The following RYR2 variants were observed in gnomAD, a reference collection of about 807,000 sequenced individuals.
The protein encoded by RYR2 is cardiac muscle ryanodine receptor-calcium release channel.
Under a neutral mutation model 601.1 loss-of-function variants are expected in RYR2, and 227 were observed. The observed-to-expected ratio is 0.38, with a 90% CI of 0.34 to 0.42. RYR2 has a LOEUF of 0.42. RYR2 is among the 10% of genes least tolerant of loss of function. The pLI is 1.00. For synonymous variants in RYR2, 2,223 were observed against 2,175.1 expected, an observed-to-expected ratio of 1.02 and a Z score of -0.61; for missense variants, 4,646 against 6,156.5, an observed-to-expected ratio of 0.75 and a Z score of 8.21.
intron 52 of RYR2, 115 bp from the exon 53 acceptor site, chr1:237,655,706 C>A: frequency 1.2e-6 from 1 of 862,220 alleles, no homozygotes; most frequent in Non-Finnish European, 1.7e-6. Context: ...TCAGAGAGTT[C>A]AGTTAGTCCA....
In RYR2 at chr1:237,508,805, G is replaced by C. The variant is rs370096495; in HGVS notation, c.2718+1991G>C. On this transcript the variant is annotated intron_variant, in intron 23 of 104. Transcript: ENST00000366574. ...TCGCCCAGGCTGGAGTGCAGTGGCG[G>C]GATCTCGGCTCACTGCAAGCTCCGC... Among the ~76,000 whole-genome samples the C allele has an allele frequency of 9.5e-3, 1,354 of 143,040 alleles. 25 individuals are homozygous for C. Among genetic ancestry groups the C allele is most frequent in the African/African-American group, 0.03 (1,152 of 38,614 alleles). The allele number at this position is 143,040 out of a possible 152,430, so 93.8% of individuals were successfully genotyped here.
At chr1:237,526,151 A>G (rs1667571531) in intron 24 of RYR2, among the ~76,000 whole-genome samples, 1 of 152,134 alleles carries the variant, frequency 6.6e-6, no homozygotes, top group African/African-American at 2.4e-5. Flanking sequence ...TGTATAAGCT[A>G]CATCCTCACC....
chr1:237,827,893 T>C (rs1191838597), intron 101 of RYR2, among the ~76,000 whole-genome samples: 57 of 126,632 alleles, frequency 4.5e-4, no homozygotes, highest in African/African-American at 1.3e-3. Flanking sequence ...GCCGAGATTG[T>C]GCCACTGCAC....
In RYR2 at chr1:237,127,325, C is replaced by T. The variant is rs1261389716; in HGVS notation, c.48+84756C>T. On this transcript the variant is annotated intron_variant, in intron 1 of 104. Coordinates refer to ENST00000366574, the MANE Select transcript of RYR2 (RefSeq NM_001035.3). ...TACACCTCCCAGACAGGGTGGTGGC[C>T]GGGCAGAGGGGCTCCTCACTTCCCA... 1.9e-4 allele frequency among the ~76,000 whole-genome samples: 29 copies of T among 151,614 alleles called. No homozygotes were observed. In the South Asian group the frequency reaches 5.4e-3, roughly 28 times the overall value.
At chr1:237,266,101 A>G (rs569080553) in intron 1 of RYR2, among the ~76,000 whole-genome samples, 27 of 152,356 alleles carry the variant, frequency 1.8e-4, no homozygotes, top group African/African-American at 6.3e-4. Flanking sequence ...TGTGCATTTC[A>G]GCACTCAGAA....
intron 34 of RYR2, among the ~76,000 whole-genome samples, chr1:237,596,522 TAAG>T: frequency 6.6e-6 from 1 of 151,626 alleles, no homozygotes; most frequent in Middle Eastern, 3.4e-3. Context: ...GAAATAAAAA[TAAG>T]AAAGAAGGAA....
intron 63 of RYR2, among the ~76,000 whole-genome samples, chr1:237,696,656 G>A (rs1415705388): frequency 3.6e-5 from 3 of 83,250 alleles, no homozygotes; most frequent in South Asian, 4.3e-4. Flanking sequence ...CACCCCCGCC[G>A]CATCCCCTTC....
At chr1:237,150,012 A>G (rs1202158876) in intron 1 of RYR2, among the ~76,000 whole-genome samples, 1 of 152,250 alleles carries the variant, frequency 6.6e-6, no homozygotes, top group Non-Finnish European at 1.5e-5. Flanking sequence ...TTGTATTAGT[A>G]TTATAAAAGC....
chr1:237,482,526 A>G (rs2150369639), intron 17 of RYR2, among the ~76,000 whole-genome samples: 1 of 152,288 alleles, frequency 6.6e-6, no homozygotes, highest in African/African-American at 2.4e-5. Flanking sequence ...GTTGCAAATG[A>G]CTGGATCACA....
At chr1:237,443,191 A>C (rs1167122817) in intron 13 of RYR2, among the ~76,000 whole-genome samples, 1 of 151,516 alleles carries the variant, frequency 6.6e-6, no homozygotes, top group African/African-American at 2.4e-5. Context: ...TTAAAATTTT[A>C]GTTTTCATGC....
chr1:237,137,478 G>A (rs547967053), intron 1 of RYR2, among the ~76,000 whole-genome samples: 1 of 152,298 alleles, frequency 6.6e-6, no homozygotes, highest in East Asian at 1.9e-4. Context: ...GTGAACCTGA[G>A]GGTTGTGCTT....
intron 58 of RYR2, among the ~76,000 whole-genome samples, chr1:237,669,465 G>A (rs534923504): frequency 1.0e-3 from 154 of 151,032 alleles, no homozygotes; most frequent in African/African-American, 3.5e-3. Flanking sequence ...GGGCAGAGGC[G>A]CCCCTCACCT....
In RYR2 at chr1:237,638,278, G is replaced by A. The variant is rs145794304; in HGVS notation, c.6793-79G>A. 6 of 1,575,150 alleles carry A rather than the reference G, an allele frequency of 3.8e-6. No individual in the cohort carries two copies. In the Admixed American group the frequency reaches 5.7e-5, roughly 15 times the overall value. On this transcript the variant is annotated intron_variant, in intron 44 of 104. Coordinates refer to ENST00000366574, the MANE Select transcript of RYR2 (RefSeq NM_001035.3). The stretch of plus-strand genomic sequence containing the variant: ...TTGTTTAAAAGCATCCTTTAAGGAT[G>A]TCATTTATTGTATCCAATGTAAGCA...
chr1:237,183,615 T>C (rs556770008), intron 1 of RYR2, among the ~76,000 whole-genome samples: 59 of 152,320 alleles, frequency 3.9e-4, no homozygotes, highest in African/African-American at 1.4e-3. Flanking sequence ...AGATAAAGCA[T>C]ACACATAGAA....
rs556959131 is a variant in RYR2, at chr1:237,637,208, A to G, written c.6793-1149A>G. On this transcript the variant is annotated intron_variant, in intron 44 of 104. Coordinates refer to ENST00000366574, the MANE Select transcript of RYR2 (RefSeq NM_001035.3). ...CTCTTGCTTCACTATAGTTGATATAAAACATTTTTAGCTATATTATTATTT... is the reference window on the plus strand; with the variant it reads ...CTCTTGCTTCACTATAGTTGATATAGAACATTTTTAGCTATATTATTATTT... 8.5e-5 allele frequency among the ~76,000 whole-genome samples: 13 copies of G among 152,314 alleles called. No individual in the cohort carries two copies. In the South Asian group the frequency reaches 2.7e-3, roughly 32 times the overall value.
intron 1 of RYR2, among the ~76,000 whole-genome samples, chr1:237,077,389 T>C (rs1454501042): frequency 7.8e-6 from 1 of 128,288 alleles, no homozygotes; most frequent in African/African-American, 2.7e-5. Flanking sequence ...CCATCTCACA[T>C]GCAGAGACAC....
intron 29 of RYR2, among the ~76,000 whole-genome samples, chr1:237,571,468 A>C (rs2805398): frequency 0.94 from 142,268 of 151,956 alleles, 67,285 homozygotes; most frequent in East Asian, 1. Context: ...GGGTGTGCCA[A>C]CACGCCTCGC....
At chr1:237,324,373 T>G (rs1695941093) in intron 2 of RYR2, among the ~76,000 whole-genome samples, 1 of 152,182 alleles carries the variant, frequency 6.6e-6, no homozygotes, top group South Asian at 2.1e-4. Flanking sequence ...TGGGGAGAAG[T>G]CGACACTCAA....
chr1:237,308,896 T>C (rs28881603), intron 2 of RYR2, among the ~76,000 whole-genome samples: 51,507 of 152,084 alleles, frequency 0.34, 8,954 homozygotes, highest in South Asian at 0.51. Context: ...GTCTGTCTTA[T>C]AGAGAGCTGA....
Sources: gnomAD v4.1 joint callset for allele counts (sites outside exome capture counted in the v4.1 genomes callset) on GRCh38, gnomAD v4.1.1 for gene constraint, MANE v1.5 for transcripts, NCBI Gene and HGNC (gene_info 2026-07-23, HGNC 2026-07-21) for gene names.